Variants in TMEM131 observed in about 807,000 individuals in gnomAD.
TMEM131 encodes the protein 2610524E03Rik.
A neutral mutation model predicts 211.6 loss-of-function variants in TMEM131; 66 were observed. That is an observed-to-expected ratio of 0.31 (90% confidence interval 0.26 to 0.38). The LOEUF (loss-of-function observed/expected upper bound fraction) is 0.38. Among genes scored for constraint, TMEM131 ranks in the 10% least tolerant of loss-of-function variants. TMEM131 has a pLI of 1.00. For synonymous variants in TMEM131, 844 were observed against 841.3 expected, an observed-to-expected ratio of 1.00 and a Z score of -0.06; for missense variants, 2,036 against 2,299.3, an observed-to-expected ratio of 0.89 and a Z score of 2.34.
At chr2:97,783,328 G>A (rs1375935539) in intron 31 of TMEM131, among the ~76,000 whole-genome samples, 1 of 151,974 alleles carries the variant, frequency 6.6e-6, no homozygotes, top group Non-Finnish European at 1.5e-5. Context: ...TACCAAAACA[G>A]AAAGGAAATG....
At chr2:97,919,360 T>C (rs890271419) in intron 2 of TMEM131, among the ~76,000 whole-genome samples, 16 of 152,192 alleles carry the variant, frequency 1.1e-4, no homozygotes, top group African/African-American at 2.9e-4. Context: ...TCCATTCTTA[T>C]CTATTTTAAA....
At chr2:97,962,812 T>C (rs1678879810) in intron 1 of TMEM131, among the ~76,000 whole-genome samples, 1 of 152,226 alleles carries the variant, frequency 6.6e-6, no homozygotes, top group Non-Finnish European at 1.5e-5. Flanking sequence ...AAAAACTAAA[T>C]TGTAGTTTAC....
intron 17 of TMEM131, 123 bp from the exon 18 acceptor site, chr2:97,811,355 GA>G: frequency 1.4e-6 from 1 of 708,964 alleles, no homozygotes; most frequent in Admixed American, 1.9e-5. Flanking sequence ...GTATGACACT[GA>G]ATTACCATAT....
chr2:97,852,964 T>C (rs1390252138), intron 5 of TMEM131, among the ~76,000 whole-genome samples: 1 of 152,206 alleles, frequency 6.6e-6, no homozygotes, highest in Non-Finnish European at 1.5e-5. Flanking sequence ...AGCACATCTA[T>C]TTATAACATG....
chr2:97,876,914 ATC>A (rs1048610479), intron 4 of TMEM131, among the ~76,000 whole-genome samples: 5 of 152,284 alleles, frequency 3.3e-5, no homozygotes, highest in African/African-American at 1.2e-4. Context: ...GTCAAATTGT[ATC>A]TGTTTGCAGA....
chr2:97,905,688 C>T (rs1176265112), intron 3 of TMEM131, among the ~76,000 whole-genome samples: 1 of 152,218 alleles, frequency 6.6e-6, no homozygotes, highest in Non-Finnish European at 1.5e-5. Context: ...TCAGAAACAA[C>T]ATTTTTCAAC....
intron 2 of TMEM131, 32 bp downstream of exon 2, chr2:97,927,394 A>C (rs769650258): frequency 6.6e-7 from 1 of 1,523,064 alleles, no homozygotes; most frequent in South Asian, 1.3e-5. Context: ...TTCAAGGCTT[A>C]ACAATAACTT....
intron 4 of TMEM131, among the ~76,000 whole-genome samples, chr2:97,876,038 C>T (rs1365724146): frequency 1.3e-5 from 2 of 152,122 alleles, no homozygotes; most frequent in Non-Finnish European, 2.9e-5. Context: ...ACCACTTATC[C>T]AACAGAAATA....
At position 97,812,408 on chromosome 2, in the gene TMEM131, A is replaced by C. The variant is rs146591924; in HGVS notation, c.1863+13T>G. ...CCATCTTACTTTAAGGAGACAATAG[A>C]AAGTTTACTTACCGATGATTGATCT... is the stretch of plus-strand genomic sequence containing the variant. On this transcript the variant is annotated intron_variant, in intron 17 of 40. Transcript: ENST00000186436. 57 of 1,595,536 alleles carry C rather than the reference A, an allele frequency of 3.6e-5. No individual in the cohort carries two copies. In the African/African-American group the frequency reaches 6.2e-4, roughly 17 times the overall value.
rs537846083 is a variant in TMEM131 at position 97,832,792 on chromosome 2, C to T, written c.1074+573G>A. Among the ~76,000 whole-genome samples, 6 of 152,248 alleles carry T rather than the reference C, an allele frequency of 3.9e-5. No homozygotes were observed. The South Asian group carries it at 6.2e-4, about 16-fold the overall frequency. On this transcript the variant is annotated intron_variant, in intron 11 of 40. Transcript: ENST00000186436. ...CCCTTTTTTTCCTAAAACTATCTAACGGCACCTCAATTCCATATGGCCTAA... is the reference window on the plus strand; with the variant it reads ...CCCTTTTTTTCCTAAAACTATCTAATGGCACCTCAATTCCATATGGCCTAA...
In TMEM131 at chr2:97,910,892, C is replaced by A. The variant is rs764289516; in HGVS notation, c.250-2194G>T. Among the ~76,000 whole-genome samples, 5 of 152,058 alleles carry A rather than the reference C, an allele frequency of 3.3e-5. No homozygotes were observed. The East Asian group carries it at 7.7e-4, about 23-fold the overall frequency. ...AATTTCTTACAAAGTTAAACATACA[C>A]CTACCATATGACCAAATCACTCCAC... On this transcript the variant is annotated intron_variant, in intron 2 of 40. Coordinates refer to ENST00000186436, the MANE Select transcript of TMEM131 (RefSeq NM_015348.2).
intron 1 of TMEM131, among the ~76,000 whole-genome samples, chr2:97,990,503 G>A (rs1410286586): frequency 6.6e-6 from 1 of 152,180 alleles, no homozygotes; most frequent in Admixed American, 6.5e-5. Flanking sequence ...CTATTTACCA[G>A]CCCTATCACG....
chr2:97,805,816 C>A, intron 19 of TMEM131, 113 bp from the exon 20 acceptor site: 4 of 975,992 alleles, frequency 4.1e-6, no homozygotes, highest in Non-Finnish European at 5.7e-6. Flanking sequence ...CAAAAGACAT[C>A]TTAGAATGTT....
intron 3 of TMEM131, 150 bp downstream of exon 3, chr2:97,908,508 C>A (rs1276538166): frequency 5.1e-6 from 3 of 593,220 alleles, no homozygotes; most frequent in Non-Finnish European, 8.9e-6. Flanking sequence ...TGGTTTCCCA[C>A]ACACAACACT....
chr2:97,959,211 G>A (rs75793841), intron 1 of TMEM131, among the ~76,000 whole-genome samples: 4,420 of 152,262 alleles, frequency 0.029, 77 homozygotes, highest in Middle Eastern at 0.065. Context: ...GTAAAGAAAC[G>A]TGGGGGGAGA....
intron 5 of TMEM131, among the ~76,000 whole-genome samples, chr2:97,845,358 C>T (rs11690687): frequency 0.34 from 50,919 of 151,844 alleles, 9,377 homozygotes; most frequent in Non-Finnish European, 0.39. Context: ...TGAACTTGCA[C>T]GGGAGCACAA....
At chr2:97,871,964 G>A (rs140778946) in intron 4 of TMEM131, among the ~76,000 whole-genome samples, 52 of 151,670 alleles carry the variant, frequency 3.4e-4, no homozygotes, top group African/African-American at 1.2e-3. Context: ...AGAATGGGAG[G>A]GGAGCCAGTG....
chr2:97,887,437 G>C (rs975315133), intron 4 of TMEM131, among the ~76,000 whole-genome samples: 1 of 152,196 alleles, frequency 6.6e-6, no homozygotes, highest in Admixed American at 6.5e-5. Flanking sequence ...AAATATCTTG[G>C]GGGTGCACTG....
At chr2:97,793,695 G>GA in intron 29 of TMEM131, 142 bp from the exon 30 acceptor site, 1 of 860,162 alleles carries the variant, frequency 1.2e-6, no homozygotes, top group Non-Finnish European at 1.7e-6. Flanking sequence ...ACTTTTAACA[G>GA]ACAAAACCCA....
Sources: allele counts gnomAD v4.1 joint callset (sites outside exome capture counted in the v4.1 genomes callset), GRCh38; gene constraint gnomAD v4.1.1; transcripts MANE v1.5; gene names NCBI Gene and HGNC (gene_info 2026-07-23, HGNC 2026-07-21).